OXR1: variants seen among roughly 807,000 people sequenced by gnomAD.
The protein encoded by OXR1 is oxidation resistance protein 1.
Under a neutral mutation model 104.6 loss-of-function variants are expected in OXR1, and 41 were observed. The observed-to-expected ratio is 0.39, with a 90% CI of 0.31 to 0.51. The LOEUF (loss-of-function observed/expected upper bound fraction) is 0.51. Among genes scored for constraint, OXR1 ranks in the 20% least tolerant of loss-of-function variants. The pLI, the probability that OXR1 is intolerant of heterozygous loss-of-function variation, is 0.77. For missense variants in OXR1, 955 were observed against 1,031.9 expected, an observed-to-expected ratio of 0.93 and a Z score of 1.02; for synonymous variants, 348 against 348.4, an observed-to-expected ratio of 1.00 and a Z score of 0.01.
At chr8:106,443,640 T>C (rs937861163) in intron 2 of OXR1, among the ~76,000 whole-genome samples, 1 of 152,216 alleles carries the variant, frequency 6.6e-6, no homozygotes, top group African/African-American at 2.4e-5. Context: ...CTTGTTGAAT[T>C]GTTCCCTTTA....
At chr8:106,446,617 C>CAA (rs879873413) in intron 2 of OXR1, among the ~76,000 whole-genome samples, 4 of 136,154 alleles carry the variant, frequency 2.9e-5, no homozygotes, top group African/African-American at 2.7e-5. Flanking sequence ...GACTCCATCT[C>CAA]AAAAAAAAAA....
chr8:106,615,939 C>T (rs1821183860), intron 3 of OXR1, among the ~76,000 whole-genome samples: 1 of 151,052 alleles, frequency 6.6e-6, no homozygotes, highest in South Asian at 2.1e-4. Flanking sequence ...ATTGGCATTA[C>T]TTTAATGTAG....
chr8:106,298,188 C>T (rs1813081852), intron 1 of OXR1, among the ~76,000 whole-genome samples: 1 of 152,092 alleles, frequency 6.6e-6, no homozygotes, highest in South Asian at 2.1e-4. Flanking sequence ...TTAGTCTGTT[C>T]TTATGCTGCT....
At chr8:106,398,263 C>T (rs184293722) in intron 2 of OXR1, among the ~76,000 whole-genome samples, 1 of 152,282 alleles carries the variant, frequency 6.6e-6, no homozygotes, top group East Asian at 1.9e-4. Flanking sequence ...TTAAACTTAG[C>T]TGTACATCAG....
intron 3 of OXR1, among the ~76,000 whole-genome samples, chr8:106,635,446 T>C (rs999880615): frequency 6.6e-6 from 1 of 152,094 alleles, no homozygotes; most frequent in African/African-American, 2.4e-5. Flanking sequence ...GGTGCATTTG[T>C]TTTTGTTTTT....
chr8:106,368,373 A>ACAG (rs1399105700), intron 2 of OXR1, among the ~76,000 whole-genome samples: 2 of 152,130 alleles, frequency 1.3e-5, no homozygotes, highest in African/African-American at 4.8e-5. Context: ...ATAATTAAGG[A>ACAG]CATGGTATGT....
chr8:106,456,087 T>C (rs1820580947), intron 2 of OXR1, among the ~76,000 whole-genome samples: 1 of 152,230 alleles, frequency 6.6e-6, no homozygotes, highest in Admixed American at 6.5e-5. Context: ...GATCATTTTG[T>C]ATTGTATGCT....
intron 3 of OXR1, among the ~76,000 whole-genome samples, chr8:106,596,135 G>A (rs1007458151): frequency 2.0e-5 from 3 of 151,984 alleles, no homozygotes; most frequent in African/African-American, 7.3e-5. Flanking sequence ...AGGCACACAA[G>A]ATCAACAGGT....
chr8:106,352,375 G>A (rs185131344), intron 1 of OXR1, among the ~76,000 whole-genome samples: 138 of 152,256 alleles, frequency 9.1e-4, no homozygotes, highest in Non-Finnish European at 1.7e-3. Context: ...TACATTTCTG[G>A]TAGGAATGTA....
intron 1 of OXR1, among the ~76,000 whole-genome samples, chr8:106,322,339 ATTCAACACCCC>A (rs2130184429): frequency 6.6e-6 from 1 of 152,342 alleles, no homozygotes; most frequent in South Asian, 2.1e-4. Context: ...TTTCGATAAA[ATTCAACACCCC>A]TTCATGTTAA....
At chr8:106,355,411 TA>T (rs575862344) in intron 1 of OXR1, among the ~76,000 whole-genome samples, 4 of 152,178 alleles carry the variant, frequency 2.6e-5, no homozygotes, top group African/African-American at 4.8e-5. Context: ...TACATGTAAT[TA>T]AAAAAATAAC....
At chr8:106,628,779 T>C (rs927018423) in intron 3 of OXR1, among the ~76,000 whole-genome samples, 15 of 152,178 alleles carry the variant, frequency 9.9e-5, no homozygotes, top group South Asian at 2.1e-4. Flanking sequence ...TCTGATCTGT[T>C]GGCACTTCAC....
intron 3 of OXR1, among the ~76,000 whole-genome samples, chr8:106,622,540 C>T (rs1006465779): frequency 9.2e-5 from 14 of 152,060 alleles, no homozygotes; most frequent in Non-Finnish European, 1.8e-4. Flanking sequence ...TCACTAGTCT[C>T]TTTGCTATTC....
At chr8:106,486,394 C>G (rs1810660273) in intron 2 of OXR1, among the ~76,000 whole-genome samples, 1 of 152,062 alleles carries the variant, frequency 6.6e-6, no homozygotes, top group African/African-American at 2.4e-5. Context: ...TGTGTATTCT[C>G]TCAGATATGA....
At chr8:106,603,104 A>G (rs1288238762) in intron 3 of OXR1, among the ~76,000 whole-genome samples, 1 of 152,214 alleles carries the variant, frequency 6.6e-6, no homozygotes, top group African/African-American at 2.4e-5. Context: ...CATAGCCTGT[A>G]TATCTTGAAG....
At position 106,404,594 on chromosome 8, in the gene OXR1, C is replaced by CT. The variant is rs1207519503; in HGVS notation, c.23+44969dup. ...GGGAATTGGAACCTCTTAGCTCATT[C>CT]TTTTTTTTTTTCACCACTTTGTCCA... On this transcript the variant is annotated intron_variant, in intron 2 of 16. Transcript: ENST00000517566. Among the ~76,000 whole-genome samples the CT allele has an allele frequency of 8.3e-3, 1,221 of 147,468 alleles. 17 individuals carry two copies. Among genetic ancestry groups the CT allele is most frequent in the African/African-American group, 0.027 (1,110 of 40,466 alleles).
At chr8:106,592,980 G>T (rs1047533319) in intron 3 of OXR1, among the ~76,000 whole-genome samples, 1 of 152,098 alleles carries the variant, frequency 6.6e-6, no homozygotes. Context: ...CCTTTTTCAG[G>T]TGTTTTCCTC....
intron 2 of OXR1, among the ~76,000 whole-genome samples, chr8:106,407,778 C>T (rs1199529454): frequency 6.6e-6 from 1 of 152,138 alleles, no homozygotes; most frequent in Non-Finnish European, 1.5e-5. Flanking sequence ...TGAATGTGCT[C>T]AATTTTGAGT....
At chr8:106,581,189 C>G in intron 3 of OXR1, 1 of 1,282,744 alleles carries the variant, frequency 7.8e-7, no homozygotes, top group Non-Finnish European at 1.0e-6. Context: ...GAGAACTTGA[C>G]AAACCACTGC....
Sources: allele counts gnomAD v4.1 joint callset (sites outside exome capture counted in the v4.1 genomes callset), GRCh38; gene constraint gnomAD v4.1.1; transcripts MANE v1.5; gene names NCBI Gene and HGNC (gene_info 2026-07-23, HGNC 2026-07-21).